NAV3: variants seen among roughly 807,000 people sequenced by gnomAD.
NAV3 encodes pore membrane and/or filament interacting like protein 1.
A neutral mutation model predicts 244.7 loss-of-function variants in NAV3; 87 were observed. That is an observed-to-expected ratio of 0.36 (90% CI 0.30 to 0.42). The LOEUF (loss-of-function observed/expected upper bound fraction) is 0.42, where lower values mean the gene tolerates loss of function less well. NAV3 is among the 20% of genes least tolerant of loss of function. NAV3 has a pLI of 1.00. For synonymous variants in NAV3, 1,126 were observed against 1,042.2 expected, an observed-to-expected ratio of 1.08 and a Z score of -1.55; for missense variants, 2,663 against 2,893.3, an observed-to-expected ratio of 0.92 and a Z score of 1.83.
At chr12:77,627,379 AGACTAACCAT>A (rs1369025970) in intron 2 of NAV3, among the ~76,000 whole-genome samples, 2 of 152,162 alleles carry the variant, frequency 1.3e-5, no homozygotes, top group African/African-American at 4.8e-5. Context: ...ACTACTAGCT[AGACTAACCAT>A]GACAAAGAAG....
At chr12:78,105,801 C>A (rs1046548702) in intron 12 of NAV3, among the ~76,000 whole-genome samples, 6 of 151,602 alleles carry the variant, frequency 4.0e-5, no homozygotes, top group Non-Finnish European at 7.4e-5. Context: ...TCCTGAGAAC[C>A]AAAATATATA....
chr12:77,863,274 T>C (rs11609693), intron 1 of NAV3, among the ~76,000 whole-genome samples: 32,316 of 151,708 alleles, frequency 0.21, 3,896 homozygotes, highest in East Asian at 0.29. Context: ...TTTTAACTTA[T>C]CTCAAGATTG....
At chr12:78,093,071 C>T (rs992489079) in intron 12 of NAV3, among the ~76,000 whole-genome samples, 1 of 152,090 alleles carries the variant, frequency 6.6e-6, no homozygotes, top group East Asian at 1.9e-4. Context: ...CTTTATAAGA[C>T]CTGTATGCAC....
At chr12:78,167,669 G>A (rs935909468) in intron 23 of NAV3, among the ~76,000 whole-genome samples, 1 of 151,460 alleles carries the variant, frequency 6.6e-6, no homozygotes, top group Middle Eastern at 3.2e-3. Context: ...AGAGAATGAA[G>A]AACCGAGGCC....
chr12:77,673,730 T>G lies in NAV3; in HGVS notation c.72+101464T>G, dbSNP rs75782603. 2.8e-4 allele frequency among the ~76,000 whole-genome samples: 43 copies of G among 152,234 alleles called. 1 individual carries two copies. In the South Asian group the frequency reaches 8.9e-3, roughly 32 times the overall value. On this transcript the variant is annotated intron_variant, in intron 2 of 8. Transcript: ENST00000550042. ...GAGGAAGTTACATACCCTTCTCTTA[T>G]GGGAAGAATTTTCTATAGAAAATAT...
intron 1 of NAV3, among the ~76,000 whole-genome samples, chr12:77,896,926 A>G (rs1884690952): frequency 6.6e-6 from 1 of 152,028 alleles, no homozygotes; most frequent in Non-Finnish European, 1.5e-5. Context: ...AACAGCCACA[A>G]AAGATCTACA....
At chr12:77,866,635 G>A (rs980478439) in intron 1 of NAV3, among the ~76,000 whole-genome samples, 1 of 152,214 alleles carries the variant, frequency 6.6e-6, no homozygotes, top group Non-Finnish European at 1.5e-5. Flanking sequence ...CTCTGCTAAT[G>A]TTACAAGAAG....
intron 1 of NAV3, among the ~76,000 whole-genome samples, chr12:77,868,220 A>AAACAAC (rs3078775): frequency 1.5e-4 from 23 of 151,512 alleles, no homozygotes; most frequent in South Asian, 4.2e-4. Context: ...GGCCCTCCTA[A>AAACAAC]AACAACAACA....
At position 78,050,049 on chromosome 12, in the gene NAV3, C is replaced by G. The variant is rs2137227236; in HGVS notation, c.2080C>G (p.Gln694Glu). The change falls in exon 10 of 40, where the codon CAG (glutamine) becomes GAG (glutamate). Residue 694 changes from glutamine to glutamate, a missense_variant. Physicochemically the swap from Gln to Glu is conservative, Grantham distance 29 (BLOSUM62 2). Transcript: ENST00000397909. ...AGTTAAAAACATAGCAGACTTGAGG[C>G]AGAATTTAGAAGAGACTATGTCCAG... ...RTVKNIADLR[Q>E]NLEETMSSLR... The G allele has an allele frequency of 6.2e-7, 1 of 1,612,958 alleles. No homozygotes were observed.
chr12:77,693,750 A>G (rs1875148138), intron 2 of NAV3, among the ~76,000 whole-genome samples: 1 of 151,718 alleles, frequency 6.6e-6, no homozygotes, highest in South Asian at 2.1e-4. Context: ...TTAATAAAAG[A>G]CCCCTTTTTT....
rs200520691 is a variant in NAV3 at position 78,176,383 on chromosome 12, T to C, written c.5104-56T>C. On this transcript the variant is annotated intron_variant, in intron 25 of 39. Transcript: ENST00000397909. ...TTATACAGGTAATATTTTAAAATAC[T>C]GATCAGCCTTCATTCCCTTGATTTG... 3 of 1,560,338 alleles carry C rather than the reference T, an allele frequency of 1.9e-6. No individual in the cohort carries two copies. The African/African-American group carries it at 4.1e-5, about 21-fold the overall frequency.
At chr12:78,133,178 A>G (rs1169643471) in intron 18 of NAV3, among the ~76,000 whole-genome samples, 1 of 152,098 alleles carries the variant, frequency 6.6e-6, no homozygotes, top group African/African-American at 2.4e-5. Context: ...AATCTCATGT[A>G]CCTCTCCAGA....
At chr12:77,735,034 T>C (rs1326257647) in intron 2 of NAV3, among the ~76,000 whole-genome samples, 1 of 152,158 alleles carries the variant, frequency 6.6e-6, no homozygotes, top group Non-Finnish European at 1.5e-5. Context: ...AATATGCGAA[T>C]TGATATATAA....
At chr12:77,873,744 G>GTGTATATATATA (rs776225440) in intron 1 of NAV3, among the ~76,000 whole-genome samples, 76 of 73,160 alleles carry the variant, frequency 1.0e-3, no homozygotes, top group Admixed American at 1.4e-3. Context: ...ATGTGTGTGT[G>GTGTATATATATA]TATATATATA....
rs188519798 is a variant in NAV3, at chr12:78,205,831, G to T, written c.7038+693G>T. Among the ~76,000 whole-genome samples, 68 of 152,090 alleles carry T rather than the reference G, an allele frequency of 4.5e-4. 2 individuals carry two copies. The highest frequency in any genetic ancestry group is 1.5e-3 in the African/African-American group (64 of 41,506). ...GTGTTACTAACTCACCATTCTATGA[G>T]TATAGAGCTTATTGGACTTTTACAA... is the stretch of plus-strand genomic sequence containing the variant. On this transcript the variant is annotated intron_variant, in intron 39 of 39. Transcript: ENST00000397909.
Position 78,062,415 on chromosome 12 carries a change from A to G in NAV3, c.2636+3300A>G, listed in dbSNP as rs559561838. Among the ~76,000 whole-genome samples the G allele has an allele frequency of 2.0e-5, 3 of 152,246 alleles. No homozygotes were observed. The South Asian group carries it at 6.2e-4, about 32-fold the overall frequency. ...CAATAGTAGACATTGTAAATCAAAAATAGTTTTCTGGGGTTGTGTACATTT... is the reference window on the plus strand; with the variant it reads ...CAATAGTAGACATTGTAAATCAAAAGTAGTTTTCTGGGGTTGTGTACATTT... On this transcript the variant is annotated intron_variant, in intron 12 of 39. Transcript: ENST00000397909.
intron 2 of NAV3, among the ~76,000 whole-genome samples, chr12:77,809,690 T>TAAAA (rs1011140454): frequency 5.3e-5 from 8 of 152,250 alleles, no homozygotes; most frequent in Admixed American, 5.2e-4. Context: ...TAGTCTTTTT[T>TAAAA]GTTTTCTCAC....
chr12:77,811,598 A>G (rs945010715), intron 2 of NAV3, among the ~76,000 whole-genome samples: 2 of 152,224 alleles, frequency 1.3e-5, no homozygotes, highest in African/African-American at 2.4e-5. Context: ...CACCTAACAT[A>G]ATGCACAACA....
intron 9 of NAV3, among the ~76,000 whole-genome samples, chr12:78,048,469 G>T (rs1001518833): frequency 1.3e-5 from 2 of 152,128 alleles, no homozygotes; most frequent in Non-Finnish European, 2.9e-5. Context: ...TTAACAGTCA[G>T]GCCCCTCTGC....
Sources: allele counts gnomAD v4.1 joint callset (sites outside exome capture counted in the v4.1 genomes callset), GRCh38; gene constraint gnomAD v4.1.1; transcripts MANE v1.5; gene names NCBI Gene and HGNC (gene_info 2026-07-23, HGNC 2026-07-21).